The following COL24A1 variants were observed in gnomAD, a reference collection of about 807,000 sequenced individuals.
COL24A1 encodes collagen alpha-1(XXIV) chain.
Under a neutral mutation model 253.9 loss-of-function variants are expected in COL24A1, and 224 were observed. The observed-to-expected ratio is 0.88, with a 90% confidence interval of 0.79 to 0.99. The LOEUF (loss-of-function observed/expected upper bound fraction) is 0.99, where lower values mean the gene tolerates loss of function less well. COL24A1 is among the 50% of genes least tolerant of loss of function. The pLI is 0.00. For missense variants in COL24A1, 2,131 were observed against 2,068.5 expected (o/e 1.03, Z -0.59); for synonymous variants, 685 against 673.7 (o/e 1.02, Z -0.26).
rs1445168709 is a variant in COL24A1, at chr1:85,729,361, T to C, written c.*1185A>G. 2 of 152,232 alleles carry C rather than the reference T, an allele frequency of 1.3e-5. No individual in the cohort carries two copies. Among genetic ancestry groups the C allele is most frequent in the African/African-American group, 4.8e-5 (2 of 41,452 alleles). 9.4% of individuals were successfully genotyped at this position (152,232 alleles called of 1,614,324 possible). On this transcript the variant is annotated 3_prime_UTR_variant, in exon 60 of 60. Coordinates refer to ENST00000370571, the MANE Select transcript of COL24A1 (RefSeq NM_152890.7). ...TAATATTTTTCTTTCAGTATTGAAC[T>C]AATATTTCTCTGATAACAAGGAGAC... is the stretch of plus-strand genomic sequence containing the variant.
chr1:85,882,994 A>G (rs1352958442), intron 32 of COL24A1, among the ~76,000 whole-genome samples: 1 of 152,152 alleles, frequency 6.6e-6, no homozygotes, highest in Non-Finnish European at 1.5e-5. Flanking sequence ...ACAACATACA[A>G]TTGGGTTTTG....
chr1:85,830,805 G>C (rs1286583169), intron 43 of COL24A1, among the ~76,000 whole-genome samples: 3 of 152,128 alleles, frequency 2.0e-5, no homozygotes, highest in African/African-American at 7.2e-5. Context: ...TGCACCCACT[G>C]ACCTGCGCCC....
chr1:85,947,951 GAAATACATTCAA>G (rs56310604), intron 24 of COL24A1, among the ~76,000 whole-genome samples: 134,796 of 152,172 alleles, frequency 0.89, 59,744 homozygotes, highest in Admixed American at 0.9. Context: ...GTATTTCTTT[GAAATACATTCAA>G]TTTCTTTGAA....
At chr1:85,873,271 A>T (rs1183967001) in intron 35 of COL24A1, among the ~76,000 whole-genome samples, 3 of 152,128 alleles carry the variant, frequency 2.0e-5, no homozygotes, top group Non-Finnish European at 4.4e-5. Context: ...ATTGTGGAAG[A>T]CAGTGTGGCG....
chr1:86,005,831 A>G (rs1695900998), intron 19 of COL24A1, among the ~76,000 whole-genome samples: 1 of 152,150 alleles, frequency 6.6e-6, no homozygotes, highest in South Asian at 2.1e-4. Context: ...AAAATGAACA[A>G]AATCCTCCTG....
chr1:86,134,821 T>C lies in COL24A1; in HGVS notation c.122-8607A>G, dbSNP rs562017599. 4.3e-3 allele frequency among the ~76,000 whole-genome samples: 406 copies of C among 93,746 alleles called. 20 individuals carry two copies. Among genetic ancestry groups the C allele is most frequent in the African/African-American group, 0.015 (385 of 25,988 alleles). The allele number at this position is 93,746 out of a possible 152,430, so 61.5% of individuals were successfully genotyped here. ...GATGTGGTGCTGAGAAGAATGCATA[T>C]TCTGTTGATTTGGGGTGGAGAGTTC... On this transcript the variant is annotated intron_variant, in intron 2 of 59. Coordinates refer to ENST00000370571, the MANE Select transcript of COL24A1 (RefSeq NM_152890.7).
At chr1:85,793,985 T>A (rs569847288) in intron 47 of COL24A1, among the ~76,000 whole-genome samples, 1 of 151,872 alleles carries the variant, frequency 6.6e-6, no homozygotes, top group Non-Finnish European at 1.5e-5. Context: ...AAGTCATATA[T>A]ACAAGATGAA....
At position 85,847,757 on chromosome 1, in the gene COL24A1, T is replaced by C. The variant is rs1677297312; in HGVS notation, c.3370A>G (p.Ile1124Val). The C allele has an allele frequency of 6.2e-7, 1 of 1,613,522 alleles. No individual in the cohort carries two copies. Among genetic ancestry groups the C allele is most frequent in the Non-Finnish European group, 8.5e-7 (1 of 1,179,590 alleles). Residue 1124 changes from isoleucine (I) to valine (V), a missense_variant, in exon 39 of 60, where the codon ATA becomes GTA. Transcript: ENST00000370571. ...RPGKKGDKGQ[I>V]GPTGEVGSRG... is the part of the protein sequence containing the mutation. ...CTTCCAACTTCTCCTGTGGGTCCTA[T>C]TTGTCCTTTATCACCCTGTGGATGA...
intron 37 of COL24A1, among the ~76,000 whole-genome samples, chr1:85,850,462 C>G (rs563323825): frequency 1.3e-4 from 20 of 152,132 alleles, no homozygotes; most frequent in Non-Finnish European, 2.6e-4. Flanking sequence ...GCTCTTCTAG[C>G]CTCAGAAAAT....
intron 19 of COL24A1, among the ~76,000 whole-genome samples, chr1:85,998,162 C>T (rs7547149): frequency 0.39 from 58,779 of 151,646 alleles, 11,809 homozygotes; most frequent in East Asian, 0.58. Context: ...TTGCAGTTTT[C>T]TACATACATC....
chr1:85,761,378 C>A lies in COL24A1; in HGVS notation c.4437+18G>T, dbSNP rs1466191844. On this transcript the variant is annotated intron_variant, in intron 55 of 59. Coordinates refer to ENST00000370571, the MANE Select transcript of COL24A1 (RefSeq NM_152890.7). ...ATACTAAGATAAAACAAAACAAAAT[C>A]AAACCAAGCAAACTTACTCTTGGGC... 6.2e-7 allele frequency: 1 copy of A among 1,613,474 alleles called. No individual in the cohort carries two copies. The highest frequency in any genetic ancestry group is 1.1e-5 in the South Asian group (1 of 91,006).
Position 85,823,748 on chromosome 1 carries a change from G to A in COL24A1, c.3682-10C>T. On this transcript the variant is annotated splice_polypyrimidine_tract_variant and intron_variant, in intron 43 of 59. Transcript: ENST00000370571. ...GTACACCCACATGGCCCTAGAAATA[G>A]AAAAGATTACATTATTAGAGTAAGT... The A allele has an allele frequency of 6.2e-7, 1 of 1,612,548 alleles. No homozygotes were observed. Among genetic ancestry groups the A allele is most frequent in the Non-Finnish European group, 8.5e-7 (1 of 1,178,846 alleles).
At chr1:86,013,778 A>G (rs906903198) in intron 19 of COL24A1, among the ~76,000 whole-genome samples, 5 of 152,124 alleles carry the variant, frequency 3.3e-5, no homozygotes, top group African/African-American at 9.7e-5. Flanking sequence ...AGAGGTTGCA[A>G]TGAGCCCAGA....
chr1:85,880,587 T>A (rs1368402430), intron 32 of COL24A1, among the ~76,000 whole-genome samples: 1 of 152,170 alleles, frequency 6.6e-6, no homozygotes, highest in East Asian at 1.9e-4. Flanking sequence ...AGGAGGAACA[T>A]GTTTTCCTTA....
chr1:85,858,999 A>C (rs528868996), intron 37 of COL24A1, among the ~76,000 whole-genome samples: 1 of 152,098 alleles, frequency 6.6e-6, no homozygotes, highest in Admixed American at 6.6e-5. Flanking sequence ...CAGCCTCCCA[A>C]ATGCTGGGAT....
intron 24 of COL24A1, among the ~76,000 whole-genome samples, chr1:85,941,786 A>G (rs1217895624): frequency 6.6e-6 from 1 of 152,122 alleles, no homozygotes; most frequent in Non-Finnish European, 1.5e-5. Flanking sequence ...AATCCTAAAA[A>G]CTTGTCTAAT....
At chr1:85,930,203 A>G (rs1233363589) in intron 24 of COL24A1, among the ~76,000 whole-genome samples, 4 of 35,482 alleles carry the variant, frequency 1.1e-4, no homozygotes, top group African/African-American at 2.6e-4. Flanking sequence ...TAATAAAGAA[A>G]AAAAGAGAGA....
At chr1:86,065,722 A>G (rs1301589604) in intron 7 of COL24A1, among the ~76,000 whole-genome samples, 2 of 149,690 alleles carry the variant, frequency 1.3e-5, no homozygotes, top group East Asian at 4.0e-4. Flanking sequence ...TGAGCCCAGG[A>G]GCTAAAGTCC....
intron 55 of COL24A1, among the ~76,000 whole-genome samples, chr1:85,756,429 A>AT (rs1666268222): frequency 6.6e-6 from 1 of 152,192 alleles, no homozygotes; most frequent in Non-Finnish European, 1.5e-5. Context: ...AAAAAAAAAA[A>AT]ATACAAATGT....
Sources: allele counts gnomAD v4.1 joint callset (sites outside exome capture counted in the v4.1 genomes callset), GRCh38; gene constraint gnomAD v4.1.1; transcripts MANE v1.5; gene names NCBI Gene and HGNC (gene_info 2026-07-23, HGNC 2026-07-21).